Variants in HSD17B12 observed in about 807,000 individuals in gnomAD.
HSD17B12 encodes the protein hydroxysteroid 17-beta dehydrogenase 12, also known as very-long-chain 3-oxoacyl-CoA reductase.
In HSD17B12, 32 loss-of-function variants were observed where a neutral mutation model predicts 39.3. The ratio of observed to expected loss-of-function variants is 0.81; its 90% CI spans 0.61 to 1.09. HSD17B12 has a LOEUF of 1.09. Among genes scored for constraint, HSD17B12 ranks in the 50% least tolerant of loss-of-function variants. The pLI, the probability that HSD17B12 is intolerant of heterozygous loss-of-function variation, is 0.00. For synonymous variants in HSD17B12, 150 were observed against 146.7 expected (o/e 1.02, Z -0.16); for missense variants, 342 against 382.9 (o/e 0.89, Z 0.89).
the HSD17B12 span, among the ~76,000 whole-genome samples, chr11:43,608,255 A>G: frequency 2.5e-3 from 383 of 151,882 alleles, 1 homozygote; most frequent in African/African-American, 8.5e-3. Flanking sequence ...AGTCCCAGCT[A>G]TCTGGGAGGC....
chr11:43,579,620 G>T, the HSD17B12 span: 1 of 152,124 alleles, frequency 6.6e-6, no homozygotes, highest in African/African-American at 2.4e-5. Flanking sequence ...TTTCCCAGTT[G>T]CCCCGCGCCG....
the HSD17B12 span, among the ~76,000 whole-genome samples, chr11:43,603,872 G>A: frequency 6.6e-6 from 1 of 152,088 alleles, no homozygotes. Context: ...CAGTGGTAGA[G>A]TTATATCAGA....
intron 1 of HSD17B12, among the ~76,000 whole-genome samples, chr11:43,734,767 G>A (rs1590704444): frequency 1.3e-5 from 2 of 152,344 alleles, no homozygotes; most frequent in East Asian, 3.9e-4. Context: ...AGAAATTCAA[G>A]TAAAATTCTC....
At chr11:43,748,068 A>T (rs1950428187) in intron 1 of HSD17B12, among the ~76,000 whole-genome samples, 1 of 152,226 alleles carries the variant, frequency 6.6e-6, no homozygotes, top group Non-Finnish European at 1.5e-5. Context: ...TCCATCACTT[A>T]TGAAATGTTA....
At chr11:43,571,529 A>G in the HSD17B12 span, among the ~76,000 whole-genome samples, 5 of 152,172 alleles carry the variant, frequency 3.3e-5, no homozygotes, top group African/African-American at 1.2e-4. Flanking sequence ...GGGAAAACCT[A>G]TCATCTGGTT....
the HSD17B12 span, among the ~76,000 whole-genome samples, chr11:43,587,278 A>T: frequency 6.6e-6 from 1 of 151,240 alleles, no homozygotes; most frequent in Non-Finnish European, 1.5e-5. Flanking sequence ...TCCTTTGATA[A>T]TCTGTTTAAA....
At chr11:43,557,826 A>G in the HSD17B12 span, among the ~76,000 whole-genome samples, 1 of 152,070 alleles carries the variant, frequency 6.6e-6, no homozygotes. Context: ...CTGGGGACTT[A>G]CAGGGTTGGC....
intron 1 of HSD17B12, among the ~76,000 whole-genome samples, chr11:43,739,022 C>T (rs1445796042): frequency 6.6e-6 from 1 of 152,224 alleles, no homozygotes; most frequent in Non-Finnish European, 1.5e-5. Context: ...TGAGCAACTG[C>T]TGTGGACAAA....
At chr11:43,719,807 T>TA (rs1157803225) in intron 1 of HSD17B12, among the ~76,000 whole-genome samples, 19 of 152,164 alleles carry the variant, frequency 1.2e-4, no homozygotes, top group Non-Finnish European at 1.0e-4. Context: ...ACCTGCTTCT[T>TA]ACCTATGTGA....
intron 3 of HSD17B12, among the ~76,000 whole-genome samples, chr11:43,783,650 T>TA (rs1337292187): frequency 1.3e-5 from 2 of 151,978 alleles, no homozygotes; most frequent in Non-Finnish European, 2.9e-5. Context: ...AACTCCCACT[T>TA]ATGAGTGAGA....
chr11:43,665,567 C>T, the HSD17B12 span, among the ~76,000 whole-genome samples: 3 of 152,014 alleles, frequency 2.0e-5, no homozygotes, highest in East Asian at 3.9e-4. Context: ...CCATTGACCA[C>T]TTGTGGAAGT....
At chr11:43,742,137 A>T (rs2862993) in intron 1 of HSD17B12, among the ~76,000 whole-genome samples, 18,511 of 84,830 alleles carry the variant, frequency 0.22, 1,417 homozygotes, top group African/African-American at 0.3. Context: ...ATATATATAT[A>T]TATTTTTTTT....
the HSD17B12 span, among the ~76,000 whole-genome samples, chr11:43,610,832 A>G: frequency 6.6e-6 from 1 of 152,192 alleles, no homozygotes; most frequent in African/African-American, 2.4e-5. Flanking sequence ...CACACTGAGT[A>G]TGCATGCACT....
intron 3 of HSD17B12, among the ~76,000 whole-genome samples, chr11:43,795,646 T>C (rs1450079664): frequency 2.0e-5 from 3 of 152,112 alleles, no homozygotes; most frequent in Non-Finnish European, 2.9e-5. Flanking sequence ...AACATTGTTG[T>C]CTGCATGCGA....
At chr11:43,633,365 C>T in the HSD17B12 span, among the ~76,000 whole-genome samples, 12 of 151,938 alleles carry the variant, frequency 7.9e-5, no homozygotes, top group Non-Finnish European at 1.8e-4. Context: ...AACCTCGTCT[C>T]TACTAAAAAT....
At chr11:43,846,541 A>G (rs748283498) in intron 9 of HSD17B12, among the ~76,000 whole-genome samples, 2 of 152,128 alleles carry the variant, frequency 1.3e-5, no homozygotes, top group Non-Finnish European at 2.9e-5. Context: ...GTGCATGCCT[A>G]TAAACCCAGC....
intron 1 of HSD17B12, among the ~76,000 whole-genome samples, chr11:43,711,507 C>G (rs1352719576): frequency 1.4e-5 from 2 of 140,958 alleles, no homozygotes; most frequent in African/African-American, 5.3e-5. Flanking sequence ...CAGGGTCTTG[C>G]TCTGTTGCCG....
intron 1 of HSD17B12, among the ~76,000 whole-genome samples, chr11:43,706,268 G>A (rs913705126): frequency 6.6e-6 from 1 of 152,216 alleles, no homozygotes; most frequent in African/African-American, 2.4e-5. Context: ...CCTCAGGCTG[G>A]CATGATGGCT....
chr11:43,738,303 C>T (rs577515610), intron 1 of HSD17B12, among the ~76,000 whole-genome samples: 1 of 152,080 alleles, frequency 6.6e-6, no homozygotes, highest in Non-Finnish European at 1.5e-5. Flanking sequence ...GTTTGCTGCA[C>T]AGGTCATCTC....
Sources: gnomAD v4.1 joint callset for allele counts (sites outside exome capture counted in the v4.1 genomes callset) on GRCh38, gnomAD v4.1.1 for gene constraint, MANE v1.5 for transcripts, NCBI Gene and HGNC (gene_info 2026-07-23, HGNC 2026-07-21) for gene names.